PARD3B: variants seen among roughly 807,000 people sequenced by gnomAD.
PARD3B encodes the protein partitioning defective 3 homolog B.
In PARD3B, 103 loss-of-function variants were observed where a neutral mutation model predicts 130.2. The observed-to-expected ratio is 0.79, with a 90% CI of 0.67 to 0.93. The LOEUF is 0.93. Ranked by LOEUF, PARD3B falls within the 40% of genes least tolerant of loss-of-function variation. The pLI is 0.00. For missense variants in PARD3B, 1,609 were observed against 1,499.2 expected, an observed-to-expected ratio of 1.07 and a Z score of -1.21; for synonymous variants, 583 against 553.2, an observed-to-expected ratio of 1.05 and a Z score of -0.76.
chr2:205,226,714 CT>C (rs2038571273), intron 15 of PARD3B, among the ~76,000 whole-genome samples: 1 of 152,182 alleles, frequency 6.6e-6, no homozygotes, highest in Non-Finnish European at 1.5e-5. Context: ...TCCCATTAAT[CT>C]ATGACTCTAG....
At chr2:205,411,903 A>C (rs578250828) in intron 19 of PARD3B, among the ~76,000 whole-genome samples, 2 of 152,214 alleles carry the variant, frequency 1.3e-5, no homozygotes, top group Non-Finnish European at 1.5e-5. Context: ...AAGGGACACA[A>C]ATGGTGTGGG....
chr2:204,947,887 A>C (rs1362750873), intron 2 of PARD3B, among the ~76,000 whole-genome samples: 2 of 152,232 alleles, frequency 1.3e-5, no homozygotes, highest in Non-Finnish European at 2.9e-5. Context: ...ATTCAAGAGC[A>C]GAAATATCAT....
chr2:205,109,287 T>C (rs1325521960), intron 5 of PARD3B, among the ~76,000 whole-genome samples: 3 of 152,226 alleles, frequency 2.0e-5, no homozygotes, highest in Non-Finnish European at 4.4e-5. Flanking sequence ...CCTCTCATAC[T>C]ATTGCATGCC....
In PARD3B at chr2:204,849,318, T is replaced by C. The variant is rs190635909; in HGVS notation, c.223-115834T>C. 3.2e-3 allele frequency among the ~76,000 whole-genome samples: 482 copies of C among 152,338 alleles called. 1 individual carries two copies. The highest frequency in any genetic ancestry group is 9.1e-3 in the South Asian group (44 of 4,832). On this transcript the variant is annotated intron_variant, in intron 2 of 22. Coordinates refer to ENST00000406610, the MANE Select transcript of PARD3B (RefSeq NM_001302769.2). ...TCTAATTCACAAATTACTGTATGCATATTATTTAAAAATAGAAACTCTTTT... is the reference window on the plus strand; with the variant it reads ...TCTAATTCACAAATTACTGTATGCACATTATTTAAAAATAGAAACTCTTTT...
intron 13 of PARD3B, among the ~76,000 whole-genome samples, chr2:205,180,259 C>T (rs1005257684): frequency 1.3e-5 from 2 of 150,296 alleles, no homozygotes; most frequent in Admixed American, 1.3e-4. Flanking sequence ...TGTTAGAGGC[C>T]AGTAGATGAA....
At chr2:205,087,388 G>A (rs1701803654) in intron 4 of PARD3B, among the ~76,000 whole-genome samples, 1 of 152,092 alleles carries the variant, frequency 6.6e-6, no homozygotes, top group Non-Finnish European at 1.5e-5. Context: ...TCAAATTACA[G>A]TGGTCCTTAG....
intron 2 of PARD3B, among the ~76,000 whole-genome samples, chr2:204,827,642 G>A (rs565541803): frequency 6.6e-6 from 1 of 152,312 alleles, no homozygotes; most frequent in South Asian, 2.1e-4. Flanking sequence ...TTAGGAAAAA[G>A]TAATCTGGTC....
chr2:205,404,713 C>T (rs2046361737), intron 19 of PARD3B, among the ~76,000 whole-genome samples: 2 of 151,988 alleles, frequency 1.3e-5, no homozygotes, highest in African/African-American at 4.8e-5. Context: ...AGGTCTCGCG[C>T]TACGTTGTAC....
intron 10 of PARD3B, among the ~76,000 whole-genome samples, chr2:205,141,145 A>G (rs1258986405): frequency 2.0e-5 from 3 of 152,226 alleles, no homozygotes; most frequent in Non-Finnish European, 2.9e-5. Context: ...CAAATAGAGT[A>G]TAAAAGTATT....
intron 19 of PARD3B, among the ~76,000 whole-genome samples, chr2:205,428,118 C>T (rs141207779): frequency 1.3e-5 from 2 of 152,044 alleles, no homozygotes; most frequent in East Asian, 3.9e-4. Context: ...GAGTGTGGCT[C>T]ACACCTGTAA....
At chr2:204,892,956 A>G (rs940632014) in intron 2 of PARD3B, among the ~76,000 whole-genome samples, 46 of 152,184 alleles carry the variant, frequency 3.0e-4, no homozygotes, top group African/African-American at 9.2e-4. Flanking sequence ...GTTTATAGAA[A>G]TGGCTCATAT....
chr2:205,417,053 G>C (rs849261), intron 19 of PARD3B, among the ~76,000 whole-genome samples: 5 of 146,384 alleles, frequency 3.4e-5, no homozygotes, highest in African/African-American at 1.3e-4. Context: ...TACATTAGGT[G>C]TATCTCCTAA....
intron 13 of PARD3B, among the ~76,000 whole-genome samples, chr2:205,184,957 C>T (rs546838623): frequency 1.3e-5 from 2 of 152,030 alleles, no homozygotes; most frequent in African/African-American, 2.4e-5. Flanking sequence ...CACTTTACCA[C>T]GATGTTATAT....
chr2:205,532,964 G>GCAAT (rs1268798733), intron 21 of PARD3B, among the ~76,000 whole-genome samples: 1 of 152,178 alleles, frequency 6.6e-6, no homozygotes, highest in East Asian at 1.9e-4. Context: ...TGCATATTTA[G>GCAAT]CAATCAGTGT....
At chr2:205,522,898 A>ATTAATTATATTGTTTT (rs2051144080) in intron 21 of PARD3B, among the ~76,000 whole-genome samples, 1 of 152,092 alleles carries the variant, frequency 6.6e-6, no homozygotes, top group Non-Finnish European at 1.5e-5. Flanking sequence ...AAACAATCTT[A>ATTAATTATATTGTTTT]TTAATTATAT....
chr2:205,195,982 C>T (rs368711583), intron 15 of PARD3B, among the ~76,000 whole-genome samples: 8 of 152,248 alleles, frequency 5.3e-5, no homozygotes, highest in African/African-American at 1.9e-4. Flanking sequence ...AGTATTTTAA[C>T]TTGCATGTTA....
chr2:205,376,941 C>T (rs1383707823), intron 18 of PARD3B, among the ~76,000 whole-genome samples: 2 of 152,050 alleles, frequency 1.3e-5, no homozygotes, highest in East Asian at 1.9e-4. Flanking sequence ...TGGAAAAACA[C>T]GTTCTTTAAG....
In PARD3B at chr2:205,263,296, G is replaced by A. The variant is rs1273875826; in HGVS notation, c.2185+17474G>A. On this transcript the variant is annotated intron_variant, in intron 16 of 22. Coordinates refer to ENST00000406610, the MANE Select transcript of PARD3B (RefSeq NM_001302769.2). This position sits in a 1 kb window ranked among gnomAD's most constrained non-coding sequence, Gnocchi z 4.0. ...TTAATCAAGGTGACAAAGGTGGTGG[G>A]GCAAAAACAGTGGGAATATATGGAA... Among the ~76,000 whole-genome samples the A allele has an allele frequency of 2.6e-5, 4 of 151,896 alleles. No homozygotes were observed. Among genetic ancestry groups the A allele is most frequent in the Admixed American group, 2.0e-4 (3 of 15,230 alleles).
At chr2:205,435,786 T>C (rs972950920) in intron 19 of PARD3B, among the ~76,000 whole-genome samples, 7 of 152,154 alleles carry the variant, frequency 4.6e-5, no homozygotes, top group South Asian at 2.1e-4. Flanking sequence ...TTTTATATTA[T>C]CAGAGTTTAT....
Sources: gnomAD v4.1 joint callset for allele counts (sites outside exome capture counted in the v4.1 genomes callset) on GRCh38, gnomAD v4.1.1 for gene constraint, Gnocchi (gnomAD v3.1) non-coding constraint, MANE v1.5 for transcripts, NCBI Gene and HGNC (gene_info 2026-07-23, HGNC 2026-07-21) for gene names.